The following PDE11A variants were observed in gnomAD, a reference collection of about 807,000 sequenced individuals.
PDE11A encodes dual 3',5'-cyclic-AMP and -GMP phosphodiesterase 11A.
Under a neutral mutation model 100.5 loss-of-function variants are expected in PDE11A, and 100 were observed. The ratio of observed to expected loss-of-function variants is 1.00; its 90% CI spans 0.85 to 1.18. The LOEUF (loss-of-function observed/expected upper bound fraction) is 1.18. PDE11A is among the 50% of genes most tolerant of loss of function. PDE11A has a pLI of 0.00. For synonymous variants in PDE11A, 381 were observed against 420.8 expected (o/e 0.91, Z 1.16); for missense variants, 1,141 against 1,152.6 (o/e 0.99, Z 0.15).
At chr2:177,965,781 G>T (rs1393313468) in intron 2 of PDE11A, among the ~76,000 whole-genome samples, 1 of 152,182 alleles carries the variant, frequency 6.6e-6, no homozygotes, top group Admixed American at 6.5e-5. Context: ...ATAGATTAAA[G>T]TCAGGTAGTG....
chr2:177,647,222 G>A (rs568364571), intron 19 of PDE11A, among the ~76,000 whole-genome samples: 50 of 152,304 alleles, frequency 3.3e-4, no homozygotes, highest in African/African-American at 1.2e-3. Flanking sequence ...AGTTCAATGT[G>A]TAAAAAGGAT....
chr2:178,076,653 T>C (rs1485855633), upstream of PDE11A, among the ~76,000 whole-genome samples: 1 of 152,240 alleles, frequency 6.6e-6, no homozygotes, highest in East Asian at 1.9e-4. Flanking sequence ...AAAACAGACA[T>C]TACTGACTTT....
chr2:177,767,621 G>T (rs77484093), intron 10 of PDE11A, among the ~76,000 whole-genome samples: 2,152 of 152,008 alleles, frequency 0.014, 42 homozygotes, highest in East Asian at 0.046. Flanking sequence ...GATGGAAAAT[G>T]TATAAAATTT....
chr2:178,045,400 T>C (rs1332459129), intron 1 of PDE11A, among the ~76,000 whole-genome samples: 1 of 152,214 alleles, frequency 6.6e-6, no homozygotes, highest in African/African-American at 2.4e-5. Flanking sequence ...ACTCACAACA[T>C]AGCTCCCAGA....
chr2:178,067,741 T>C lies in PDE11A; in HGVS notation c.912+3785A>G, dbSNP rs931889398. On this transcript the variant is annotated intron_variant, in intron 1 of 19. Transcript: ENST00000286063. ...GTACATGGCTGTCTACTGTACACCC[T>C]TGGAGAGCAGAAGCATATCCTGCCC... Among the ~76,000 whole-genome samples, 9 of 152,308 alleles carry C rather than the reference T, an allele frequency of 5.9e-5. No individual in the cohort carries two copies. The South Asian group carries it at 1.7e-3, about 28-fold the overall frequency.
At chr2:178,011,380 A>G (rs773499926) in intron 2 of PDE11A, among the ~76,000 whole-genome samples, 3 of 152,148 alleles carry the variant, frequency 2.0e-5, no homozygotes, top group Non-Finnish European at 4.4e-5. Flanking sequence ...GTCTGTCATT[A>G]TATGTGGACT....
At chr2:177,727,009 A>G (rs996526087) in intron 12 of PDE11A, among the ~76,000 whole-genome samples, 2 of 152,154 alleles carry the variant, frequency 1.3e-5, no homozygotes, top group African/African-American at 2.4e-5. Flanking sequence ...AGAAGTAAAT[A>G]GAGGATTTGT....
At chr2:178,105,404 A>G (rs2087606373) in intron 1 of PDE11A, among the ~76,000 whole-genome samples, 1 of 152,200 alleles carries the variant, frequency 6.6e-6, no homozygotes, top group Non-Finnish European at 1.5e-5. Flanking sequence ...GGTTGCAGTA[A>G]GCTGAGATTG....
chr2:178,036,567 C>G (rs573560391), intron 1 of PDE11A, among the ~76,000 whole-genome samples: 1 of 152,118 alleles, frequency 6.6e-6, no homozygotes, highest in South Asian at 2.1e-4. Context: ...ATAGCCAAGA[C>G]AATCCTAAGA....
At chr2:177,660,174 C>T (rs2080464850) in intron 19 of PDE11A, among the ~76,000 whole-genome samples, 1 of 150,066 alleles carries the variant, frequency 6.7e-6, no homozygotes, top group Non-Finnish European at 1.5e-5. Flanking sequence ...CTCTCTCCTT[C>T]TCTGTCTCTC....
At chr2:178,018,347 G>A (rs1003813779) in intron 1 of PDE11A, 17 of 96,876 alleles carry the variant, frequency 1.8e-4, no homozygotes, top group East Asian at 3.7e-4. Flanking sequence ...GACGCATCAC[G>A]GAAAGCTGCC....
chr2:178,000,674 A>AT lies in PDE11A; in HGVS notation c.1071+13627dup, dbSNP rs1255421369. On this transcript the variant is annotated intron_variant, in intron 2 of 19. Transcript: ENST00000286063. ...GCTGTATATGTACAAAGCCGTTATT[A>AT]TTTTTTAATGATTTCTAACTCTCTG... 1.7e-4 allele frequency among the ~76,000 whole-genome samples: 26 copies of AT among 152,346 alleles called. No individual in the cohort carries two copies. In the East Asian group the frequency reaches 4.0e-3, roughly 24 times the overall value.
At chr2:177,739,400 T>C (rs2081840366) in intron 10 of PDE11A, among the ~76,000 whole-genome samples, 2 of 152,162 alleles carry the variant, frequency 1.3e-5, no homozygotes, top group East Asian at 1.9e-4. Context: ...ATTTGGGTTT[T>C]CTATTCATGT....
intron 10 of PDE11A, among the ~76,000 whole-genome samples, chr2:177,728,519 C>A (rs1446050974): frequency 6.6e-6 from 1 of 152,096 alleles, no homozygotes; most frequent in Non-Finnish European, 1.5e-5. Flanking sequence ...GCACTAAATG[C>A]AAGAAACATC....
chr2:177,695,769 T>C (rs186898256), intron 15 of PDE11A, among the ~76,000 whole-genome samples: 10 of 152,306 alleles, frequency 6.6e-5, no homozygotes, highest in Admixed American at 3.9e-4. Context: ...ATATACTGAT[T>C]TTCTAGCAAT....
intron 19 of PDE11A, among the ~76,000 whole-genome samples, chr2:177,634,795 A>T (rs2080013500): frequency 6.6e-6 from 1 of 152,228 alleles, no homozygotes; most frequent in South Asian, 2.1e-4. Context: ...CCTAAATTCC[A>T]AGGCTTATGG....
intron 2 of PDE11A, among the ~76,000 whole-genome samples, chr2:177,979,238 T>G (rs2085848619): frequency 6.6e-6 from 1 of 150,636 alleles, no homozygotes; most frequent in Non-Finnish European, 1.5e-5. Flanking sequence ...ATAAACTTCT[T>G]TTTGGAAAGT....
At chr2:177,724,108 C>G (rs918614640) in intron 12 of PDE11A, among the ~76,000 whole-genome samples, 2 of 152,018 alleles carry the variant, frequency 1.3e-5, no homozygotes, top group Non-Finnish European at 2.9e-5. Flanking sequence ...ACTGTCACTA[C>G]CTACTGTATT....
chr2:177,709,809 A>G (rs906189213), intron 13 of PDE11A, among the ~76,000 whole-genome samples: 1 of 152,038 alleles, frequency 6.6e-6, no homozygotes, highest in Non-Finnish European at 1.5e-5. Context: ...TCATGGCAAG[A>G]GGTATTATGA....
Sources: gnomAD v4.1 joint callset for allele counts (sites outside exome capture counted in the v4.1 genomes callset) on GRCh38, gnomAD v4.1.1 for gene constraint, MANE v1.5 for transcripts, NCBI Gene and HGNC (gene_info 2026-07-23, HGNC 2026-07-21) for gene names.